MYT1: variants seen among roughly 807,000 people sequenced by gnomAD.
MYT1 encodes the protein myelin transcription factor 1.
Under a neutral mutation model 123.0 loss-of-function variants are expected in MYT1, and 23 were observed. The ratio of observed to expected loss-of-function variants is 0.19; its 90% CI spans 0.13 to 0.26. The LOEUF is 0.26. Among genes scored for constraint, MYT1 ranks in the 10% least tolerant of loss-of-function variants. The pLI, the probability that MYT1 is intolerant of heterozygous loss-of-function variation, is 1.00. For synonymous variants in MYT1, 518 were observed against 575.3 expected (o/e 0.90, Z 1.43); for missense variants, 1,125 against 1,472.5 (o/e 0.76, Z 3.86).
chr20:64,185,498 C>T lies in MYT1; in HGVS notation c.-98-4565C>T, dbSNP rs1245332495. Among the ~76,000 whole-genome samples the T allele has an allele frequency of 6.6e-6, 1 of 152,228 alleles. No individual in the cohort carries two copies. Among genetic ancestry groups the T allele is most frequent in the East Asian group, 1.9e-4 (1 of 5,198 alleles). On this transcript the variant is annotated intron_variant, in intron 1 of 22. Coordinates refer to ENST00000328439, the MANE Select transcript of MYT1 (RefSeq NM_004535.3). This position sits in a 1 kb window ranked among gnomAD's most constrained non-coding sequence, Gnocchi z 4.5. ...AACATGTGGCTTTCCACACTTACCA[C>T]CTGGCCTCTCACTCAGTCTTCCTGT...
chr20:64,204,092 A>G (rs1983405371), intron 4 of MYT1, among the ~76,000 whole-genome samples: 1 of 152,196 alleles, frequency 6.6e-6, no homozygotes, highest in African/African-American at 2.4e-5. Flanking sequence ...TGAGCCGTGG[A>G]TGCATCCGAC....
At chr20:64,200,025 C>A in intron 4 of MYT1, 103 bp downstream of exon 4, 3 of 1,350,698 alleles carry the variant, frequency 2.2e-6, no homozygotes, top group Non-Finnish European at 3.2e-6. Context: ...GACCAAACAC[C>A]CCTGGTGAGC....
intron 1 of MYT1, among the ~76,000 whole-genome samples, chr20:64,179,650 C>T (rs1018201888): frequency 2.6e-5 from 4 of 151,998 alleles, no homozygotes; most frequent in South Asian, 2.1e-4. Flanking sequence ...CCTGCAGCCT[C>T]GGTCCAGCTC....
At position 64,232,129 on chromosome 20, in the gene MYT1, C is replaced by T. The variant is rs368238495; in HGVS notation, c.2676-35C>T. 1.1e-5 allele frequency: 17 copies of T among 1,602,006 alleles called. No individual in the cohort carries two copies. Among genetic ancestry groups the T allele is most frequent in the African/African-American group, 5.4e-5 (4 of 74,720 alleles). On this transcript the variant is annotated intron_variant, in intron 18 of 22. Coordinates refer to ENST00000328439, the MANE Select transcript of MYT1 (RefSeq NM_004535.3). The surrounding 1 kb of genome is among the most constrained non-coding windows in gnomAD (Gnocchi z 6.9). Reference sequence around the variant, plus strand: ...CTCCAGGCTTCTCCTCCCAACCCTTCGCCCCTGTACTCACCCCGGCCTCTC... The same window carrying T: ...CTCCAGGCTTCTCCTCCCAACCCTTTGCCCCTGTACTCACCCCGGCCTCTC...
At chr20:64,194,362 C>T (rs1423219291) in intron 2 of MYT1, among the ~76,000 whole-genome samples, 1 of 152,244 alleles carries the variant, frequency 6.6e-6, no homozygotes, top group Non-Finnish European at 1.5e-5. Flanking sequence ...CCCATCCCTA[C>T]CTGGCTCTCA....
chr20:64,221,346 T>C (rs1983993974), intron 13 of MYT1, among the ~76,000 whole-genome samples: 1 of 152,168 alleles, frequency 6.6e-6, no homozygotes, highest in African/African-American at 2.4e-5. Flanking sequence ...TGAGCCTCCA[T>C]ACCCAGCATT....
chr20:64,198,997 C>T lies in MYT1; in HGVS notation c.55+81C>T, dbSNP rs562903827. 145 of 1,448,318 alleles carry T rather than the reference C, an allele frequency of 1.0e-4. 2 individuals carry two copies. In the South Asian group the frequency reaches 1.6e-3, roughly 16 times the overall value. 89.7% of individuals were successfully genotyped at this position (1,448,318 alleles called of 1,614,324 possible). On this transcript the variant is annotated intron_variant, in intron 3 of 22. Transcript: ENST00000328439. ...TTCCTCAGGAGCACAAACCCCTAAC[C>T]ACACATGTGCAGAGATGCCCTGGGG... is the stretch of plus-strand genomic sequence containing the variant.
intron 1 of MYT1, among the ~76,000 whole-genome samples, chr20:64,178,830 C>T (rs1303152178): frequency 1.6e-5 from 2 of 127,204 alleles, no homozygotes; most frequent in African/African-American, 3.2e-5. Flanking sequence ...TGCCCTTCAA[C>T]GTGGGAGCAC....
chr20:64,178,402 G>A (rs949311883), intron 1 of MYT1, among the ~76,000 whole-genome samples: 2 of 152,220 alleles, frequency 1.3e-5, no homozygotes, highest in African/African-American at 4.8e-5. Flanking sequence ...CGTGGTCCTG[G>A]TGTCTCGTTC....
At chr20:64,237,451 G>C in intron 21 of MYT1, 61 bp downstream of exon 21, 1 of 1,351,918 alleles carries the variant, frequency 7.4e-7, no homozygotes, top group Non-Finnish European at 1.0e-6. Flanking sequence ...CATTCGTCTT[G>C]GGGACAGTGA....
intron 16 of MYT1, among the ~76,000 whole-genome samples, chr20:64,223,937 C>G (rs949988991): frequency 6.6e-6 from 1 of 152,202 alleles, no homozygotes; most frequent in African/African-American, 2.4e-5. Flanking sequence ...TACCTCCCTG[C>G]CCCTACCTAA....
rs1030822606 is a variant in MYT1 at position 64,167,530 on chromosome 20, G to A, written c.-99+2791G>A. ...GGGTGGGGGCTGCTGGCGGTCACCTGATCTGCGAGCAGGCAGGGTACTGGA... is the reference window on the plus strand; with the variant it reads ...GGGTGGGGGCTGCTGGCGGTCACCTAATCTGCGAGCAGGCAGGGTACTGGA... On this transcript the variant is annotated intron_variant, in intron 1 of 22. Coordinates refer to ENST00000328439, the MANE Select transcript of MYT1 (RefSeq NM_004535.3). This position sits in a 1 kb window ranked among gnomAD's most constrained non-coding sequence, Gnocchi z 6.3. Among the ~76,000 whole-genome samples, 1 of 152,170 alleles carries A rather than the reference G, an allele frequency of 6.6e-6. No individual in the cohort carries two copies. Among genetic ancestry groups the A allele is most frequent in the Non-Finnish European group, 1.5e-5 (1 of 68,020 alleles).
intron 1 of MYT1, among the ~76,000 whole-genome samples, chr20:64,165,947 G>A (rs1182609212): frequency 6.6e-6 from 1 of 152,138 alleles, no homozygotes; most frequent in Non-Finnish European, 1.5e-5. Context: ...GGTGCTGAGG[G>A]GTATGCTCTG....
In MYT1 at chr20:64,218,978, G is replaced by A. The variant is rs370591512; in HGVS notation, c.1914G>A (p.Thr638=). The change falls in exon 12 of 23, where the codon ACG becomes ACA. Residue 638 remains threonine, a synonymous_variant. Coordinates refer to ENST00000328439, the MANE Select transcript of MYT1 (RefSeq NM_004535.3). This position sits in a 1 kb window ranked among gnomAD's most constrained non-coding sequence, Gnocchi z 4.0. ...CCACTGCCATCCTGAACCTCTCCAC[G>A]CGCTGCTGGGAGATGCCTGAGAACC... The part of the protein sequence containing the change: ...MAATAILNLS[T]RCWEMPENLS... The A allele has an allele frequency of 3.2e-5, 51 of 1,613,686 alleles. No homozygotes were observed. Among genetic ancestry groups the A allele is most frequent in the African/African-American group, 2.5e-4 (19 of 74,914 alleles).
intron 21 of MYT1, 56 bp from the exon 22 acceptor site, chr20:64,239,704 C>T: frequency 6.2e-7 from 1 of 1,608,428 alleles, no homozygotes; most frequent in Non-Finnish European, 8.5e-7. Flanking sequence ...CAGAGAGGAC[C>T]CCCAGGAGGA....
intron 1 of MYT1, among the ~76,000 whole-genome samples, chr20:64,180,925 T>C (rs958077040): frequency 2.0e-5 from 3 of 152,228 alleles, no homozygotes; most frequent in Admixed American, 6.5e-5. Context: ...GGTTCAATGC[T>C]CAGTTTTTGA....
In MYT1 at chr20:64,232,396, C is replaced by G. The variant is rs764875665; in HGVS notation, c.2897+11C>G. Reference sequence around the variant, plus strand: ...CCTCACCCACCGGAGGTAACTGTGCCTGCAGGTCCTGCCCCTCTGTGCAGT... The same window carrying G: ...CCTCACCCACCGGAGGTAACTGTGCGTGCAGGTCCTGCCCCTCTGTGCAGT... On this transcript the variant is annotated intron_variant, in intron 19 of 22. Transcript: ENST00000328439. The surrounding 1 kb of genome is among the most constrained non-coding windows in gnomAD (Gnocchi z 6.9). 6.2e-6 allele frequency: 10 copies of G among 1,612,072 alleles called. No individual in the cohort carries two copies. The highest frequency in any genetic ancestry group is 5.0e-5 in the Admixed American group (3 of 59,988).
chr20:64,195,627 C>T (rs1413686120), intron 2 of MYT1, among the ~76,000 whole-genome samples: 2 of 151,456 alleles, frequency 1.3e-5, no homozygotes, highest in Non-Finnish European at 2.9e-5. Context: ...AACTCCTGAC[C>T]TCAAGTGATC....
At chr20:64,205,401 C>T (rs1983459012) in intron 5 of MYT1, 152 bp from the exon 6 acceptor site, 3 of 1,183,320 alleles carry the variant, frequency 2.5e-6, no homozygotes, top group Admixed American at 2.3e-5. Flanking sequence ...CCTAGTGCTG[C>T]ACTTTGCTTT....
Sources: gnomAD v4.1 joint callset for allele counts (sites outside exome capture counted in the v4.1 genomes callset) on GRCh38, gnomAD v4.1.1 for gene constraint, Gnocchi (gnomAD v3.1) non-coding constraint, MANE v1.5 for transcripts, NCBI Gene and HGNC (gene_info 2026-07-23, HGNC 2026-07-21) for gene names.